Variants in POLR1B observed in about 807,000 individuals in gnomAD.
The protein encoded by POLR1B is RNA polymerase I subunit B, also known as DNA-directed RNA polymerase I subunit RPA2.
In POLR1B, 30 loss-of-function variants were observed where a neutral mutation model predicts 105.8. The ratio of observed to expected loss-of-function variants is 0.28; its 90% CI spans 0.21 to 0.38. POLR1B has a LOEUF of 0.38. POLR1B is among the 10% of genes least tolerant of loss of function. The pLI is 1.00. For synonymous variants in POLR1B, 485 were observed against 505.1 expected (o/e 0.96, Z 0.53); for missense variants, 976 against 1,435.8 (o/e 0.68, Z 5.17).
upstream of POLR1B, chr2:112,542,398 T>C: frequency 6.2e-7 from 1 of 1,611,042 alleles, no homozygotes; most frequent in Non-Finnish European, 8.5e-7. Context: ...CCCAGCAGGC[T>C]GCGGAAACGG....
At position 112,542,486 on chromosome 2, in the gene POLR1B, G is replaced by A; in HGVS notation, c.-9G>A. On this transcript the variant is annotated 5_prime_UTR_variant, in exon 1 of 15. Coordinates refer to ENST00000263331, the MANE Select transcript of POLR1B (RefSeq NM_019014.6). ...CCGAGAGACTGGCGTCCGGTGTGCA[G>A]GTGGCCACATGGATCCTGGCAGCCG... The A allele has an allele frequency of 1.2e-6, 2 of 1,613,556 alleles. No homozygotes were observed. Among genetic ancestry groups the A allele is most frequent in the Non-Finnish European group, 1.7e-6 (2 of 1,179,868 alleles).
In POLR1B at chr2:112,577,677, C is replaced by CA. The variant is rs1334581517; in HGVS notation, c.*1956dup. ...GCAACATGGGGAAACCCCAGCTCTA[C>CA]AAAAAAAATTAGCCTGGTGTGGTGG... On this transcript the variant is annotated 3_prime_UTR_variant, in exon 15 of 15. Transcript: ENST00000263331. Among the ~76,000 whole-genome samples the CA allele has an allele frequency of 3.3e-5, 5 of 151,376 alleles. No homozygotes were observed. Among genetic ancestry groups the CA allele is most frequent in the Non-Finnish European group, 1.5e-5 (1 of 67,816 alleles).
chr2:112,549,663 A>G (rs1683260921), intron 4 of POLR1B, among the ~76,000 whole-genome samples: 1 of 151,658 alleles, frequency 6.6e-6, no homozygotes, highest in Non-Finnish European at 1.5e-5. Context: ...TTGTTTTTCT[A>G]TTGAGCATTC....
At chr2:112,546,259 A>C (rs1683035017) in intron 1 of POLR1B, among the ~76,000 whole-genome samples, 1 of 152,208 alleles carries the variant, frequency 6.6e-6, no homozygotes, top group Admixed American at 6.5e-5. Context: ...CTCTGGCTTC[A>C]GTTTGACGTT....
chr2:112,577,844 A>G lies in POLR1B; in HGVS notation c.*2115A>G, dbSNP rs1684936092. 1.3e-5 allele frequency among the ~76,000 whole-genome samples: 2 copies of G among 151,932 alleles called. No individual in the cohort carries two copies. The highest frequency in any genetic ancestry group is 4.8e-5 in the African/African-American group (2 of 41,408). On this transcript the variant is annotated 3_prime_UTR_variant, in exon 15 of 15. Coordinates refer to ENST00000263331, the MANE Select transcript of POLR1B (RefSeq NM_019014.6). ...GAGACCCTGTCTCAAAAAAAAAAAA[A>G]AAAAAAAAGCGGGGAGGCATAAGAA...
chr2:112,573,466 G>T, intron 13 of POLR1B, 96 bp from the exon 14 acceptor site: 2 of 1,411,188 alleles, frequency 1.4e-6, no homozygotes, highest in Admixed American at 4.5e-5. Flanking sequence ...AAAATGTGAT[G>T]CCAGTTATCC....
rs958716361 is a variant in POLR1B at position 112,558,099 on chromosome 2, G to A, written c.1330+18G>A. On this transcript the variant is annotated intron_variant, in intron 8 of 14. Transcript: ENST00000263331. ...TAAAACAGGTAAAATTAAATCGATC[G>A]TTTTAGTTATGTTTTTCAAATTAGT... 11 of 1,315,766 alleles carry A rather than the reference G, an allele frequency of 8.4e-6. No homozygotes were observed. Among genetic ancestry groups the A allele is most frequent in the Middle Eastern group, 2.1e-4 (1 of 4,824 alleles). The allele number at this position is 1,315,766 out of a possible 1,614,324, so 81.5% of individuals were successfully genotyped here.
intron 9 of POLR1B, among the ~76,000 whole-genome samples, chr2:112,562,728 C>CTTTTTTTTT (rs70965010): frequency 1.2e-4 from 14 of 120,642 alleles, no homozygotes; most frequent in Non-Finnish European, 1.9e-4. Context: ...TCTTTTTTTT[C>CTTTTTTTTT]TTTTTTTTTT....
intron 9 of POLR1B, among the ~76,000 whole-genome samples, chr2:112,564,135 AAT>A (rs1684156579): frequency 6.6e-6 from 1 of 152,228 alleles, no homozygotes. Context: ...GAATTACCAA[AAT>A]GCCAGCACAG....
In POLR1B at chr2:112,564,430, C is replaced by T. The variant is rs189967507; in HGVS notation, c.1677C>T (p.Asp559=). ...GTGAGTGCTACCCTGTCCTGCTGGACGGTGTCATGGTTGGCTGGGTGGATA... is the reference window on the plus strand; with the variant it reads ...GTGAGTGCTACCCTGTCCTGCTGGATGGTGTCATGGTTGGCTGGGTGGATA... The part of the protein sequence containing the change: ...SYSECYPVLL[D]GVMVGWVDKD... Residue 559 remains aspartate, a synonymous_variant, in exon 10 of 15, where the codon GAC becomes GAT. Coordinates refer to ENST00000263331, the MANE Select transcript of POLR1B (RefSeq NM_019014.6). 73 of 1,614,224 alleles carry T rather than the reference C, an allele frequency of 4.5e-5. No homozygotes were observed. The highest frequency in any genetic ancestry group is 2.7e-4 in the Admixed American group (16 of 60,024).
chr2:112,571,153 C>T (rs151031714), intron 12 of POLR1B, among the ~76,000 whole-genome samples: 17 of 152,154 alleles, frequency 1.1e-4, no homozygotes, highest in African/African-American at 4.1e-4. Flanking sequence ...GCATGTTTTC[C>T]TTTATATTTT....
chr2:112,542,426 C>T (rs1221669253), upstream of POLR1B: 25 of 1,329,210 alleles, frequency 1.9e-5, no homozygotes, highest in Non-Finnish European at 2.5e-5. Flanking sequence ...GCCACTACTT[C>T]CGGCGTGTAC....
chr2:112,551,278 C>G (rs59033131), intron 5 of POLR1B, among the ~76,000 whole-genome samples: 22,479 of 152,154 alleles, frequency 0.15, 2,101 homozygotes, highest in East Asian at 0.32. Flanking sequence ...CAGTCATTTT[C>G]AGGACTTCCA....
intron 10 of POLR1B, among the ~76,000 whole-genome samples, chr2:112,567,646 T>C (rs1158109603): frequency 6.6e-6 from 1 of 152,186 alleles, no homozygotes; most frequent in Non-Finnish European, 1.5e-5. Flanking sequence ...CCTAAAGTGC[T>C]GGGATTACAG....
chr2:112,551,459 G>A (rs1228474748), intron 5 of POLR1B, among the ~76,000 whole-genome samples: 1 of 152,160 alleles, frequency 6.6e-6, no homozygotes, highest in Non-Finnish European at 1.5e-5. Flanking sequence ...AAGCTGCAGT[G>A]CCCTTTGTGA....
At chr2:112,542,862 A>T in intron 1 of POLR1B, 191 bp downstream of exon 1, 1 of 669,604 alleles carries the variant, frequency 1.5e-6, no homozygotes. Context: ...GAGGCGTCTT[A>T]AGAGATGTAT....
intron 7 of POLR1B, among the ~76,000 whole-genome samples, chr2:112,557,330 G>A (rs2104536152): frequency 6.6e-6 from 1 of 152,310 alleles, no homozygotes. Flanking sequence ...GGAATTGCAG[G>A]CTGCTTTAGG....
At position 112,562,812 on chromosome 2, in the gene POLR1B, A is replaced by T. The variant is rs1287480844; in HGVS notation, c.1613-1554A>T. On this transcript the variant is annotated intron_variant, in intron 9 of 14. Coordinates refer to ENST00000263331, the MANE Select transcript of POLR1B (RefSeq NM_019014.6). ...GCGATCTCGGCTCACCGCAACCTCC[A>T]CCTCCCAGGTTCAAGTGATTCTCCT... 1.4e-4 allele frequency among the ~76,000 whole-genome samples: 18 copies of T among 125,870 alleles called. 1 individual carries two copies. The East Asian group carries it at 3.6e-3, about 25-fold the overall frequency. 82.6% of individuals were successfully genotyped at this position (125,870 alleles called of 152,430 possible).
chr2:112,575,864 A>C lies in POLR1B; in HGVS notation c.*135A>C, dbSNP rs751142617. On this transcript the variant is annotated 3_prime_UTR_variant, in exon 15 of 15. Coordinates refer to ENST00000263331, the MANE Select transcript of POLR1B (RefSeq NM_019014.6). This position sits in a 1 kb window ranked among gnomAD's most constrained non-coding sequence, Gnocchi z 5.3. ...TAGAACTCTCAACCAAGACCTGAAA[A>C]CCAAGTATGCAAGGTTTCTGAATCT... 3 of 872,064 alleles carry C rather than the reference A, an allele frequency of 3.4e-6. No individual in the cohort carries two copies. Among genetic ancestry groups the C allele is most frequent in the Non-Finnish European group, 5.2e-6 (3 of 576,836 alleles). 54.0% of individuals were successfully genotyped at this position (872,064 alleles called of 1,614,324 possible). A position where few individuals can be genotyped will look rare whatever the true frequency, so the allele number is the denominator to read the frequency against.
Sources: allele counts gnomAD v4.1 joint callset (sites outside exome capture counted in the v4.1 genomes callset), GRCh38; gene constraint gnomAD v4.1.1; non-coding constraint Gnocchi (gnomAD v3.1); transcripts MANE v1.5; gene names NCBI Gene and HGNC (gene_info 2026-07-23, HGNC 2026-07-21).